The following SLC35F4 variants were observed in gnomAD, a reference collection of about 807,000 sequenced individuals.
The protein encoded by SLC35F4 is chromosome 14 open reading frame 36.
SLC35F4 carries 24 observed loss-of-function variants against 44.2 expected under a neutral mutation model. The observed-to-expected ratio is 0.54, with a 90% confidence interval of 0.39 to 0.76. The LOEUF (loss-of-function observed/expected upper bound fraction) is 0.76, where lower values mean the gene tolerates loss of function less well. Among genes scored for constraint, SLC35F4 ranks in the 30% least tolerant of loss-of-function variants. SLC35F4 has a pLI of 0.00. For missense variants in SLC35F4, 562 were observed against 586.1 expected, an observed-to-expected ratio of 0.96 and a Z score of 0.42; for synonymous variants, 238 against 223.6, an observed-to-expected ratio of 1.06 and a Z score of -0.57.
chr14:57,571,966 A>G lies in SLC35F4; in HGVS notation c.861T>C (p.Asp287=). The G allele has an allele frequency of 6.2e-7, 1 of 1,612,396 alleles. No homozygotes were observed. Among genetic ancestry groups the G allele is most frequent in the Non-Finnish European group, 8.5e-7 (1 of 1,179,154 alleles). ...CTATGATGGAATCAGCGTGGAAATT[A>G]TCTGCATATGCCATCATGACAATGC... The part of the protein sequence containing the change: ...ITGIVMMAYA[D]NFHADSIIGV... Residue 287 remains aspartate, a synonymous_variant, in exon 5 of 8, where the codon GAT becomes GAC. Coordinates refer to ENST00000556826, the MANE Select transcript of SLC35F4 (RefSeq NM_001306087.2).
chr14:57,785,775 G>C (rs1473824231), intron 1 of SLC35F4, among the ~76,000 whole-genome samples: 3 of 152,166 alleles, frequency 2.0e-5, no homozygotes, highest in Non-Finnish European at 4.4e-5. Flanking sequence ...GGAGCTTTCT[G>C]GGTCCCCTGG....
chr14:57,797,192 T>C (rs2078073100), intron 1 of SLC35F4, among the ~76,000 whole-genome samples: 1 of 152,220 alleles, frequency 6.6e-6, no homozygotes, highest in South Asian at 2.1e-4. Flanking sequence ...ATCCATAGTC[T>C]AGCAGTCCCA....
intron 1 of SLC35F4, among the ~76,000 whole-genome samples, chr14:57,771,087 T>A (rs890183412): frequency 3.9e-5 from 6 of 152,210 alleles, no homozygotes; most frequent in African/African-American, 1.4e-4. Flanking sequence ...GACTGCTTTT[T>A]TAGCATAGAT....
intron 1 of SLC35F4, among the ~76,000 whole-genome samples, chr14:57,888,449 TG>T (rs1194345724): frequency 6.6e-6 from 1 of 152,198 alleles, no homozygotes; most frequent in Non-Finnish European, 1.5e-5. Flanking sequence ...CTGAGAGTCA[TG>T]GGTTCCTTTG....
At chr14:57,571,815 T>G in intron 5 of SLC35F4, 79 bp downstream of exon 5, 3 of 1,497,030 alleles carry the variant, frequency 2.0e-6, no homozygotes, top group Non-Finnish European at 2.7e-6. Flanking sequence ...AATCAATGAT[T>G]ACATCGTACT....
At chr14:57,805,635 G>T (rs2140871170) in intron 1 of SLC35F4, among the ~76,000 whole-genome samples, 1 of 152,238 alleles carries the variant, frequency 6.6e-6, no homozygotes, top group Middle Eastern at 3.4e-3. Flanking sequence ...GGGGAGTAGG[G>T]GGAGAGAGAG....
At chr14:57,897,665 A>G (rs808239) in intron 1 of SLC35F4, among the ~76,000 whole-genome samples, 24,713 of 152,000 alleles carry the variant, frequency 0.16, 2,100 homozygotes, top group South Asian at 0.22. Flanking sequence ...GTATTTTAAA[A>G]GGTGGTTACT....
At chr14:57,578,296 A>C (rs2068947909) in intron 4 of SLC35F4, among the ~76,000 whole-genome samples, 1 of 134,872 alleles carries the variant, frequency 7.4e-6, no homozygotes, top group African/African-American at 2.8e-5. Context: ...ATAAATTTTA[A>C]TCTGATGACT....
At chr14:57,790,364 A>G (rs2077884395) in intron 1 of SLC35F4, among the ~76,000 whole-genome samples, 2 of 152,286 alleles carry the variant, frequency 1.3e-5, no homozygotes, top group South Asian at 2.1e-4. Context: ...GAGACAAATC[A>G]TGAGTGAACT....
chr14:57,735,106 G>T (rs1030160303), intron 1 of SLC35F4, among the ~76,000 whole-genome samples: 12 of 152,086 alleles, frequency 7.9e-5, no homozygotes, highest in African/African-American at 2.7e-4. Context: ...AACAGGATGA[G>T]GCATTTGAGA....
chr14:57,709,712 G>A (rs1594851962), intron 1 of SLC35F4, among the ~76,000 whole-genome samples: 1 of 152,066 alleles, frequency 6.6e-6, no homozygotes, highest in African/African-American at 2.4e-5. Context: ...TGAAAGAGAT[G>A]ATTAGATTTC....
chr14:57,863,043 T>C (rs1346250581), intron 1 of SLC35F4, among the ~76,000 whole-genome samples: 1 of 152,172 alleles, frequency 6.6e-6, no homozygotes, highest in Non-Finnish European at 1.5e-5. Flanking sequence ...AATGTTTAAA[T>C]AAATATAGAA....
At position 57,593,931 on chromosome 14, in the gene SLC35F4, C is replaced by T. The variant is rs2070341502; in HGVS notation, c.289+8G>A. 6.2e-7 allele frequency: 1 copy of T among 1,613,066 alleles called. No homozygotes were observed. Among genetic ancestry groups the T allele is most frequent in the Non-Finnish European group, 8.5e-7 (1 of 1,179,588 alleles). ...GTACCGTTATTTAAGAGGAGGTCAC[C>T]CACATACCTGATCTGTTCTGTCTCT... On this transcript the variant is annotated splice_region_variant and intron_variant, in intron 2 of 7. Transcript: ENST00000556826.
chr14:57,569,575 C>T (rs770630867), intron 6 of SLC35F4, among the ~76,000 whole-genome samples: 1 of 152,148 alleles, frequency 6.6e-6, no homozygotes, highest in African/African-American at 2.4e-5. Flanking sequence ...CAGTGCACAC[C>T]TTAACTCATG....
At chr14:57,568,279 G>T in intron 6 of SLC35F4, among the ~76,000 whole-genome samples, 1 of 152,252 alleles carries the variant, frequency 6.6e-6, no homozygotes, top group East Asian at 1.9e-4. Context: ...GCCTCTGCAG[G>T]CTTGCTTAGG....
chr14:57,895,133 G>A (rs903045637), intron 1 of SLC35F4, among the ~76,000 whole-genome samples: 4 of 152,006 alleles, frequency 2.6e-5, no homozygotes, highest in Admixed American at 1.3e-4. Context: ...TGCCTTGGTG[G>A]GGCTAACAGC....
chr14:57,600,721 C>CAAA (rs1566668126), intron 1 of SLC35F4, among the ~76,000 whole-genome samples: 4 of 129,798 alleles, frequency 3.1e-5, no homozygotes, highest in South Asian at 2.5e-4. Context: ...AAAAAAAAAC[C>CAAA]AAAAAGATAA....
At chr14:57,887,394 C>T (rs771670998) in intron 1 of SLC35F4, among the ~76,000 whole-genome samples, 1 of 152,172 alleles carries the variant, frequency 6.6e-6, no homozygotes, top group African/African-American at 2.4e-5. Context: ...CTCAACTGTT[C>T]TACAGGTAAT....
intron 1 of SLC35F4, among the ~76,000 whole-genome samples, chr14:57,952,529 A>G (rs1388723203): frequency 6.6e-6 from 1 of 152,088 alleles, no homozygotes; most frequent in East Asian, 1.9e-4. Flanking sequence ...CAAGGAAGCT[A>G]AGAACCTTGA....
Sources: allele counts gnomAD v4.1 joint callset (sites outside exome capture counted in the v4.1 genomes callset), GRCh38; gene constraint gnomAD v4.1.1; transcripts MANE v1.5; gene names NCBI Gene and HGNC (gene_info 2026-07-23, HGNC 2026-07-21).